LIMS1: variants seen among roughly 807,000 people sequenced by gnomAD.
The protein encoded by LIMS1 is LIM zinc finger domain containing 1.
Under a neutral mutation model 44.1 loss-of-function variants are expected in LIMS1, and 18 were observed. The ratio of observed to expected loss-of-function variants is 0.41; its 90% CI spans 0.28 to 0.61. LIMS1 has a LOEUF of 0.61. Ranked by LOEUF, LIMS1 falls within the 20% of genes least tolerant of loss-of-function variation. LIMS1 has a pLI of 0.32. For synonymous variants in LIMS1, 93 were observed against 149.1 expected, an observed-to-expected ratio of 0.62 and a Z score of 2.74; for missense variants, 201 against 422.0, an observed-to-expected ratio of 0.48 and a Z score of 4.59.
At chr2:108,598,188 T>G (rs575567248) in intron 1 of LIMS1, among the ~76,000 whole-genome samples, 1 of 151,730 alleles carries the variant, frequency 6.6e-6, no homozygotes, top group Non-Finnish European at 1.5e-5. Flanking sequence ...TTTCATAGAT[T>G]AGGACATGAT....
intron 1 of LIMS1, among the ~76,000 whole-genome samples, chr2:108,578,784 T>C (rs957748832): frequency 6.6e-6 from 1 of 151,804 alleles, no homozygotes; most frequent in African/African-American, 2.4e-5. Flanking sequence ...TTAGTAGAGA[T>C]GGGGTTTCAC....
intron 1 of LIMS1, among the ~76,000 whole-genome samples, chr2:108,642,357 T>TGA (rs1558824101): frequency 1.9e-4 from 5 of 26,694 alleles, no homozygotes; most frequent in Admixed American, 5.3e-4. Context: ...TTTTTTTTTT[T>TGA]GTTTTTTGTT....
At chr2:108,572,794 C>G (rs1685527085) in intron 1 of LIMS1, among the ~76,000 whole-genome samples, 1 of 152,110 alleles carries the variant, frequency 6.6e-6, no homozygotes, top group Non-Finnish European at 1.5e-5. Context: ...TGTAGGAAAA[C>G]ATTTTGAGAA....
intron 1 of LIMS1, among the ~76,000 whole-genome samples, chr2:108,601,772 C>T (rs1385534568): frequency 6.6e-6 from 1 of 152,230 alleles, no homozygotes; most frequent in East Asian, 1.9e-4. Context: ...CCACCTTGGC[C>T]TCCCAGAGTG....
At chr2:108,597,780 C>T (rs1190440838) in intron 1 of LIMS1, among the ~76,000 whole-genome samples, 3 of 149,114 alleles carry the variant, frequency 2.0e-5, no homozygotes, top group Admixed American at 1.4e-4. Flanking sequence ...GCAACCTCTG[C>T]CTCCTAGGTT....
intron 1 of LIMS1, among the ~76,000 whole-genome samples, chr2:108,643,381 G>A (rs993908173): frequency 6.6e-6 from 1 of 152,140 alleles, no homozygotes; most frequent in Non-Finnish European, 1.5e-5. Flanking sequence ...TGCCTCACCC[G>A]GGAAGCGCAA....
chr2:108,638,669 C>A (rs894226105), intron 1 of LIMS1, among the ~76,000 whole-genome samples: 1 of 152,076 alleles, frequency 6.6e-6, no homozygotes, highest in Non-Finnish European at 1.5e-5. Flanking sequence ...ATCACTTGAA[C>A]CCAGGAGATC....
At chr2:108,540,193 CTTT>C (rs34386092) in intron 1 of LIMS1, among the ~76,000 whole-genome samples, 3 of 93,314 alleles carry the variant, frequency 3.2e-5, no homozygotes, top group Non-Finnish European at 6.0e-5. Flanking sequence ...GTACAGATTC[CTTT>C]TTTTTTTTTT....
intron 2 of LIMS1, among the ~76,000 whole-genome samples, chr2:108,668,245 T>C (rs1691926398): frequency 6.6e-6 from 1 of 152,216 alleles, no homozygotes; most frequent in African/African-American, 2.4e-5. Flanking sequence ...GAAATAGCTA[T>C]TTTGAAATAT....
At chr2:108,598,007 T>TTAA (rs1236282786) in intron 1 of LIMS1, among the ~76,000 whole-genome samples, 1 of 151,876 alleles carries the variant, frequency 6.6e-6, no homozygotes, top group Non-Finnish European at 1.5e-5. Context: ...TGCTATTTTT[T>TTAA]TAAAGCCTTC....
chr2:108,639,118 A>T (rs1689487592), intron 1 of LIMS1, among the ~76,000 whole-genome samples: 1 of 152,126 alleles, frequency 6.6e-6, no homozygotes, highest in African/African-American at 2.4e-5. Flanking sequence ...GATACAGAAC[A>T]CAACATTATA....
At chr2:108,596,126 C>G (rs1194029025) in intron 1 of LIMS1, among the ~76,000 whole-genome samples, 1 of 152,242 alleles carries the variant, frequency 6.6e-6, no homozygotes, top group Non-Finnish European at 1.5e-5. Context: ...ACTGTTTTGA[C>G]TTCATGTGTC....
intron 1 of LIMS1, among the ~76,000 whole-genome samples, chr2:108,547,708 T>C (rs1020546146): frequency 6.6e-6 from 1 of 152,238 alleles, no homozygotes; most frequent in African/African-American, 2.4e-5. Context: ...CTTTCAAATT[T>C]TTCCTTGATA....
chr2:108,680,323 C>T (rs1437651961), intron 8 of LIMS1, among the ~76,000 whole-genome samples: 3 of 147,472 alleles, frequency 2.0e-5, no homozygotes, highest in Non-Finnish European at 4.5e-5. Flanking sequence ...GCCGTGATTG[C>T]GCCACTGCAC....
intron 8 of LIMS1, chr2:108,678,569 A>T (rs1236183958): frequency 6.4e-6 from 1 of 155,534 alleles, no homozygotes; most frequent in African/African-American, 2.4e-5. Flanking sequence ...TCCTGTTTTC[A>T]GCATGATTCA....
chr2:108,662,788 A>C, intron 2 of LIMS1: 1 of 886,616 alleles, frequency 1.1e-6, no homozygotes, highest in South Asian at 4.6e-5. Context: ...TAATAAATGC[A>C]TCTTCGCCAC....
At chr2:108,637,300 C>G (rs1170707962) in intron 1 of LIMS1, among the ~76,000 whole-genome samples, 1 of 152,112 alleles carries the variant, frequency 6.6e-6, no homozygotes, top group East Asian at 1.9e-4. Flanking sequence ...TTTCACTTGA[C>G]TCAAGTGAAA....
chr2:108,662,351 G>C, intron 2 of LIMS1: 1 of 1,606,836 alleles, frequency 6.2e-7, no homozygotes. Flanking sequence ...GAAAAGCTCA[G>C]AACAGCCTTG....
In LIMS1 at chr2:108,611,836, A is replaced by AATATATATATATATATAT. The variant is rs138970063; in HGVS notation, c.33-47767_33-47750dup. Among the ~76,000 whole-genome samples, 141 of 130,966 alleles carry AATATATATATATATATAT rather than the reference A, an allele frequency of 1.1e-3. 1 individual carries two copies. The highest frequency in any genetic ancestry group is 8.5e-3 in the East Asian group (35 of 4,142). 85.9% of individuals were successfully genotyped at this position (130,966 alleles called of 152,430 possible). Reference sequence around the variant, plus strand: ...GAAGTTGCTGTGAACCATGATCTAAAATATATATATATATATATACACACA... The same window carrying AATATATATATATATATAT: ...GAAGTTGCTGTGAACCATGATCTAAAATATATATATATATATATATATATATATATATATATACACACA... On this transcript the variant is annotated intron_variant, in intron 1 of 9. Transcript: ENST00000544547.
Sources: allele counts gnomAD v4.1 joint callset (sites outside exome capture counted in the v4.1 genomes callset), GRCh38; gene constraint gnomAD v4.1.1; transcripts MANE v1.5; gene names NCBI Gene and HGNC (gene_info 2026-07-23, HGNC 2026-07-21).